The following GRIK5 variants were observed in gnomAD, a reference collection of about 807,000 sequenced individuals.
GRIK5 encodes the protein glutamate ionotropic receptor kainate type subunit 5.
A neutral mutation model predicts 97.4 loss-of-function variants in GRIK5; 43 were observed. The observed-to-expected ratio is 0.44, with a 90% CI of 0.35 to 0.57. The LOEUF (loss-of-function observed/expected upper bound fraction) is 0.57, where lower values mean the gene tolerates loss of function less well. GRIK5 is among the 20% of genes least tolerant of loss of function. The pLI is 0.01. For missense variants in GRIK5, 1,015 were observed against 1,382.0 expected, an observed-to-expected ratio of 0.73 and a Z score of 4.21; for synonymous variants, 580 against 583.5, an observed-to-expected ratio of 0.99 and a Z score of 0.09.
intron 15 of GRIK5, among the ~76,000 whole-genome samples, chr19:42,015,174 T>C (rs927474380): frequency 4.6e-5 from 7 of 152,180 alleles, no homozygotes; most frequent in African/African-American, 1.2e-4. Flanking sequence ...ATGGATAGAA[T>C]TGAAGAGAAA....
intron 15 of GRIK5, among the ~76,000 whole-genome samples, chr19:42,019,473 T>G (rs1319535893): frequency 2.6e-5 from 4 of 152,226 alleles, no homozygotes; most frequent in African/African-American, 9.6e-5. Context: ...TACATTTCAC[T>G]TGGACTGTGT....
Position 42,022,412 on chromosome 19 carries a change from A to C in GRIK5, c.1474-58T>G. On this transcript the variant is annotated intron_variant, in intron 12 of 19. Transcript: ENST00000593562. This position sits in a 1 kb window ranked among gnomAD's most constrained non-coding sequence, Gnocchi z 4.2. ...GGGACAGAGGGGAAGACAGAAGTGG[A>C]CAGTTAGAGAGAAATGCACGGAGAG... 1 of 1,543,098 alleles carries C rather than the reference A, an allele frequency of 6.5e-7. No individual in the cohort carries two copies. The highest frequency in any genetic ancestry group is 1.8e-5 in the Admixed American group (1 of 56,868).
At chr19:42,059,284 G>A in intron 6 of GRIK5, 65 bp downstream of exon 6, 1 of 1,328,686 alleles carries the variant, frequency 7.5e-7, no homozygotes, top group Admixed American at 1.8e-5. Flanking sequence ...GGCATTGGGT[G>A]ACTTGCTCGG....
At chr19:42,011,804 C>T (rs1019429416) in intron 15 of GRIK5, among the ~76,000 whole-genome samples, 1 of 151,910 alleles carries the variant, frequency 6.6e-6, no homozygotes, top group African/African-American at 2.4e-5. Context: ...GAGATCCGGT[C>T]TCTACAAAAA....
rs1435988227 is a variant in GRIK5 at position 42,022,348 on chromosome 19, C to G, written c.1480G>C (p.Asp494His). The change falls in exon 13 of 20, where the codon GAC becomes CAC. Residue 494 changes from aspartate to histidine, a missense_variant. This residue lies in a region of GRIK5 where 477 missense variants were observed against 701.1 expected (regional missense o/e 0.68). Transcript: ENST00000593562. The surrounding 1 kb of genome is among the most constrained non-coding windows in gnomAD (Gnocchi z 4.2). ...ATGGTGAAGGCGGCCACAGCCAGGT[C>G]TGCCTTCTGCTGGAGGGGAAGCCGG... ...MVGELINRKA[D>H]LAVAAFTITA... 1 of 1,613,238 alleles carries G rather than the reference C, an allele frequency of 6.2e-7. No individual in the cohort carries two copies.
intron 9 of GRIK5, 42 bp from the exon 10 acceptor site, chr19:42,053,971 C>T (rs762054114): frequency 1.9e-5 from 27 of 1,384,720 alleles, no homozygotes; most frequent in East Asian, 9.1e-5. Context: ...AGTGCAGGGG[C>T]CCAGAGATGG....
Position 42,022,589 on chromosome 19 carries a change from T to TCCCC in GRIK5, c.1474-239_1474-236dup. 2.0e-6 allele frequency: 2 copies of TCCCC among 984,818 alleles called. No homozygotes were observed. The highest frequency in any genetic ancestry group is 2.4e-6 in the Non-Finnish European group (2 of 829,722). 61.0% of individuals were successfully genotyped at this position (984,818 alleles called of 1,614,324 possible). A position where few individuals can be genotyped will look rare whatever the true frequency, so the allele number is the denominator to read the frequency against. On this transcript the variant is annotated intron_variant, in intron 12 of 19. Coordinates refer to ENST00000593562, the MANE Select transcript of GRIK5 (RefSeq NM_002088.5). The surrounding 1 kb of genome is among the most constrained non-coding windows in gnomAD (Gnocchi z 4.2). ...CACGTCTCCAGACACACTGACTCCGTCCCCTAGGCCTCAACTGTGTCCCAG... is the reference window on the plus strand; with the variant it reads ...CACGTCTCCAGACACACTGACTCCGTCCCCCCCCTAGGCCTCAACTGTGTCCCAG...
chr19:42,033,265 C>G (rs534557817), intron 12 of GRIK5, among the ~76,000 whole-genome samples: 2 of 149,586 alleles, frequency 1.3e-5, no homozygotes, highest in Non-Finnish European at 3.0e-5. Context: ...CTGCAGTGAA[C>G]CGAGATCATG....
chr19:42,065,456 C>G lies in GRIK5; in HGVS notation c.80-69G>C. 6.8e-7 allele frequency: 1 copy of G among 1,470,978 alleles called. No homozygotes were observed. Among genetic ancestry groups the G allele is most frequent in the South Asian group, 1.3e-5 (1 of 78,720 alleles). The allele number at this position is 1,470,978 out of a possible 1,614,324, so 91.1% of individuals were successfully genotyped here. A position where few individuals can be genotyped will look rare whatever the true frequency, so the allele number is the denominator to read the frequency against. On this transcript the variant is annotated intron_variant, in intron 2 of 19. Transcript: ENST00000593562. The surrounding 1 kb of genome is among the most constrained non-coding windows in gnomAD (Gnocchi z 5.8). ...GGAAGGAGGGGGCTGTGGTCTTAGA[C>G]TCCAGGGCTCTAGGGTGAGGTGGGT...
intron 12 of GRIK5, among the ~76,000 whole-genome samples, chr19:42,039,639 G>A (rs1271477414): frequency 6.6e-6 from 1 of 152,126 alleles, no homozygotes; most frequent in Non-Finnish European, 1.5e-5. Context: ...AACAAACATT[G>A]GCTGAATGGA....
Position 42,042,869 on chromosome 19 carries a change from G to T in GRIK5, c.1270-114C>A. 1 of 751,942 alleles carries T rather than the reference G, an allele frequency of 1.3e-6. No individual in the cohort carries two copies. Among genetic ancestry groups the T allele is most frequent in the South Asian group, 1.7e-5 (1 of 57,186 alleles). The allele number at this position is 751,942 out of a possible 1,614,324, so 46.6% of individuals were successfully genotyped here. ...AGGAATCTGCTTGCTGAGCACGGTT[G>T]ATTTATTCATAGTACACATTTCTCA... On this transcript the variant is annotated intron_variant, in intron 11 of 19. Transcript: ENST00000593562. The surrounding 1 kb of genome is among the most constrained non-coding windows in gnomAD (Gnocchi z 6.9).
chr19:42,057,713 T>C (rs1339004329), intron 6 of GRIK5, among the ~76,000 whole-genome samples: 1 of 152,082 alleles, frequency 6.6e-6, no homozygotes, highest in Non-Finnish European at 1.5e-5. Context: ...AAAGCCAAGG[T>C]TGGGCTGCAA....
Position 42,059,355 on chromosome 19 carries a change from G to A in GRIK5, c.681C>T (p.Leu227=). Residue 227 remains leucine (L), a synonymous_variant, in exon 6 of 20, where the codon CTC becomes CTT. Transcript: ENST00000593562. Reference sequence around the variant, plus strand: ...TCAGAGGTAGGGGCCTCACCTTACGGAGGATGAGGTGGGAGATGGAGGCGT... The same window carrying A: ...TCAGAGGTAGGGGCCTCACCTTACGAAGGATGAGGTGGGAGATGGAGGCGT... ...DANASISHLI[L]RKASELGMTS... is the part of the protein sequence containing the mutation. 3.7e-6 allele frequency: 6 copies of A among 1,612,332 alleles called. No homozygotes were observed. The highest frequency in any genetic ancestry group is 5.1e-6 in the Non-Finnish European group (6 of 1,178,476).
chr19:42,030,047 A>G (rs981909144), intron 12 of GRIK5, among the ~76,000 whole-genome samples: 5 of 152,068 alleles, frequency 3.3e-5, no homozygotes, highest in African/African-American at 7.2e-5. Flanking sequence ...ATGACCTCTT[A>G]GTTTTCTTTT....
chr19:42,023,728 C>A (rs901415694), intron 12 of GRIK5, among the ~76,000 whole-genome samples: 2 of 152,258 alleles, frequency 1.3e-5, no homozygotes, highest in Admixed American at 1.3e-4. Flanking sequence ...GCTCCCGAAA[C>A]ACTCCTCAGA....
At chr19:42,011,116 A>AAC (rs112305468) in intron 15 of GRIK5, among the ~76,000 whole-genome samples, 5,387 of 146,512 alleles carry the variant, frequency 0.037, 190 homozygotes, top group Admixed American at 0.13. Flanking sequence ...TTTACTATCT[A>AAC]ACACACACAC....
At chr19:42,037,900 G>A (rs1399541702) in intron 12 of GRIK5, among the ~76,000 whole-genome samples, 1 of 152,208 alleles carries the variant, frequency 6.6e-6, no homozygotes, top group African/African-American at 2.4e-5. Context: ...GCCCAGTTGT[G>A]ACTGCAGCGC....
chr19:42,044,115 C>T (rs1413544451), intron 11 of GRIK5, among the ~76,000 whole-genome samples: 1 of 152,124 alleles, frequency 6.6e-6, no homozygotes, highest in African/African-American at 2.4e-5. Context: ...ATGGGCTCTT[C>T]CCCCTTCACT....
intron 12 of GRIK5, among the ~76,000 whole-genome samples, chr19:42,036,121 G>A (rs1055902653): frequency 4.6e-5 from 7 of 152,110 alleles, no homozygotes; most frequent in African/African-American, 1.4e-4. Context: ...ATGCAGTGGC[G>A]CAATCTCGGC....
Sources: allele counts gnomAD v4.1 joint callset (sites outside exome capture counted in the v4.1 genomes callset), GRCh38; gene constraint gnomAD v4.1.1; regional missense constraint gnomAD v4.1.1; non-coding constraint Gnocchi (gnomAD v3.1); transcripts MANE v1.5; gene names NCBI Gene and HGNC (gene_info 2026-07-23, HGNC 2026-07-21).